STPG2: variants seen among roughly 807,000 people sequenced by gnomAD.
STPG2 encodes sperm-tail PG-rich repeat-containing protein 2.
Under a neutral mutation model 54.2 loss-of-function variants are expected in STPG2, and 56 were observed. The ratio of observed to expected loss-of-function variants is 1.03; its 90% CI spans 0.83 to 1.29. The LOEUF (loss-of-function observed/expected upper bound fraction) is 1.29, where lower values mean the gene tolerates loss of function less well. Ranked by LOEUF, STPG2 falls within the 50% of genes most tolerant of loss-of-function variation. STPG2 has a pLI of 0.00. For synonymous variants in STPG2, 200 were observed against 181.8 expected (o/e 1.10, Z -0.81); for missense variants, 596 against 544.9 (o/e 1.09, Z -0.93).
chr4:97,907,283 TA>T (rs1379090045), intron 8 of STPG2, among the ~76,000 whole-genome samples: 1 of 151,490 alleles, frequency 6.6e-6, no homozygotes, highest in African/African-American at 2.4e-5. Flanking sequence ...TCCAAGAGAA[TA>T]AAATACCTAG....
chr4:97,746,933 A>G (rs1725435360), intron 9 of STPG2, among the ~76,000 whole-genome samples: 1 of 151,096 alleles, frequency 6.6e-6, no homozygotes, highest in South Asian at 2.1e-4. Context: ...CTCGGTAAAT[A>G]TATGCTAAAT....
rs554194373 is a variant in STPG2, at chr4:97,748,991, G to A, written c.1205-36177C>T. ...TAAATAGAATTTCATATACACCCTG[G>A]GCTTTGGAGAAATCCGTTTTGGGTG... On this transcript the variant is annotated intron_variant, in intron 9 of 10. Transcript: ENST00000295268. Among the ~76,000 whole-genome samples the A allele has an allele frequency of 1.4e-4, 21 of 151,450 alleles. No individual in the cohort carries two copies. In the South Asian group the frequency reaches 3.9e-3, roughly 28 times the overall value.
chr4:97,537,907 C>A (rs1034214874), intron 4 of STPG2, among the ~76,000 whole-genome samples: 9 of 152,174 alleles, frequency 5.9e-5, no homozygotes, highest in Non-Finnish European at 1.3e-4. Context: ...GTTCTGCAGC[C>A]TCCGCTGCTG....
chr4:97,886,855 AT>A (rs539457572), intron 8 of STPG2, among the ~76,000 whole-genome samples: 295 of 152,308 alleles, frequency 1.9e-3, no homozygotes, highest in African/African-American at 7.0e-3. Flanking sequence ...CTTTAGCGCC[AT>A]CCCCTCAGTG....
At chr4:97,623,329 A>G (rs973813818) in intron 10 of STPG2, among the ~76,000 whole-genome samples, 15 of 152,124 alleles carry the variant, frequency 9.9e-5, no homozygotes, top group Admixed American at 9.8e-4. Flanking sequence ...GAAAAAAACA[A>G]CCTACAGAAT....
At chr4:97,477,131 C>T (rs781232090) in intron 4 of STPG2, among the ~76,000 whole-genome samples, 28 of 152,140 alleles carry the variant, frequency 1.8e-4, no homozygotes, top group Non-Finnish European at 3.8e-4. Context: ...TGTGCACATG[C>T]ATGCACATAT....
chr4:97,881,263 G>T (rs139309864), intron 8 of STPG2, among the ~76,000 whole-genome samples: 1,557 of 152,122 alleles, frequency 0.01, 32 homozygotes, highest in African/African-American at 0.036. Context: ...TTTTTTACAA[G>T]AAATCCTTTT....
intron 8 of STPG2, among the ~76,000 whole-genome samples, chr4:97,864,066 C>T (rs967908710): frequency 4.6e-5 from 7 of 152,162 alleles, no homozygotes; most frequent in African/African-American, 1.7e-4. Flanking sequence ...CTCACCACTC[C>T]TATTCAACAT....
chr4:97,736,803 G>A (rs1307849050), intron 9 of STPG2, among the ~76,000 whole-genome samples: 2 of 152,162 alleles, frequency 1.3e-5, no homozygotes, highest in Non-Finnish European at 2.9e-5. Flanking sequence ...CAAAAAGACA[G>A]CAGTAACCTC....
chr4:98,115,061 T>A (rs1401917139), intron 3 of STPG2, among the ~76,000 whole-genome samples: 3 of 151,980 alleles, frequency 2.0e-5, no homozygotes, highest in African/African-American at 7.2e-5. Context: ...AAACTCAGCA[T>A]GGAACTGCAT....
intron 5 of STPG2, among the ~76,000 whole-genome samples, chr4:98,013,333 G>A (rs1735817295): frequency 6.6e-6 from 1 of 152,290 alleles, no homozygotes; most frequent in South Asian, 2.1e-4. Context: ...TTGATGTGCT[G>A]CTGGATTCAG....
chr4:97,552,950 A>T (rs187597285), intron 4 of STPG2, among the ~76,000 whole-genome samples: 2,273 of 152,278 alleles, frequency 0.015, 55 homozygotes, highest in African/African-American at 0.052. Flanking sequence ...ATCAAACCAG[A>T]TTGGTAGTCT....
At chr4:97,980,135 T>C (rs1734625630) in intron 6 of STPG2, among the ~76,000 whole-genome samples, 2 of 151,874 alleles carry the variant, frequency 1.3e-5, no homozygotes, top group South Asian at 4.1e-4. Flanking sequence ...CAGTGAACTA[T>C]GATCATGCCA....
rs80130171 is a variant in STPG2, at chr4:97,468,057, A to G, written c.462+244642T>C. Among the ~76,000 whole-genome samples, 233 of 152,112 alleles carry G rather than the reference A, an allele frequency of 1.5e-3. 2 individuals are homozygous for G. Among genetic ancestry groups the G allele is most frequent in the Non-Finnish European group, 2.7e-3 (184 of 67,904 alleles). On this transcript the variant is annotated intron_variant, in intron 4 of 4. Transcript: ENST00000522676. ...CATAAACAATTAATCCAGTGATTAA[A>G]TTATACTTTAACAGTCCGTCACTAA...
chr4:97,767,649 G>A (rs574828858), intron 9 of STPG2, among the ~76,000 whole-genome samples: 9 of 151,970 alleles, frequency 5.9e-5, no homozygotes, highest in African/African-American at 1.7e-4. Flanking sequence ...ATAATGATTC[G>A]TTTTGTCTTC....
chr4:97,746,277 TA>T (rs2149041855), intron 9 of STPG2, among the ~76,000 whole-genome samples: 1 of 151,316 alleles, frequency 6.6e-6, no homozygotes, highest in African/African-American at 2.4e-5. Context: ...ATTAAAACAT[TA>T]AAAACACAGC....
chr4:97,732,749 A>T (rs917819493), intron 9 of STPG2, among the ~76,000 whole-genome samples: 3 of 152,264 alleles, frequency 2.0e-5, no homozygotes, highest in South Asian at 2.1e-4. Flanking sequence ...AAGAAAAAAA[A>T]AATAATCACA....
intron 10 of STPG2, among the ~76,000 whole-genome samples, chr4:97,671,898 T>C (rs1474815009): frequency 6.6e-6 from 1 of 152,112 alleles, no homozygotes; most frequent in Non-Finnish European, 1.5e-5. Context: ...AAAACTAAAG[T>C]GTGAAAATAT....
chr4:97,581,187 T>G (rs980923057), intron 10 of STPG2, among the ~76,000 whole-genome samples: 7 of 152,040 alleles, frequency 4.6e-5, no homozygotes, highest in African/African-American at 1.7e-4. Flanking sequence ...CACACTTTAG[T>G]TGCTCAACTG....
Sources: gnomAD v4.1 joint callset for allele counts (sites outside exome capture counted in the v4.1 genomes callset) on GRCh38, gnomAD v4.1.1 for gene constraint, MANE v1.5 for transcripts, NCBI Gene and HGNC (gene_info 2026-07-23, HGNC 2026-07-21) for gene names.